The following ZMYM3 variants were observed in gnomAD, a reference collection of about 807,000 sequenced individuals.
ZMYM3 encodes the protein zinc finger MYM-type containing 3.
Under a neutral mutation model 94.2 loss-of-function variants are expected in ZMYM3, and 6 were observed. The observed-to-expected ratio is 0.06, with a 90% CI of 0.03 to 0.13. ZMYM3 has a LOEUF of 0.13. Ranked by LOEUF, ZMYM3 falls within the 10% of genes least tolerant of loss-of-function variation. The probability of loss-of-function intolerance (pLI) is 1.00; values close to 1 mark genes in which losing one functional copy is unlikely to be tolerated. For synonymous variants in ZMYM3, 420 were observed against 426.5 expected, an observed-to-expected ratio of 0.98 and a Z score of 0.19; for missense variants, 664 against 1,132.6, an observed-to-expected ratio of 0.59 and a Z score of 5.94.
In ZMYM3 at chrX:71,239,866, A is replaced by T. The variant is rs1314631346; in HGVS notation, c.*1050T>A. The T allele has an allele frequency of 8.9e-6, 1 of 112,760 alleles. No individual in the cohort carries two copies. The highest frequency in any genetic ancestry group is 3.2e-5 in the African/African-American group (1 of 30,909). The allele number at this position is 112,760 out of a possible 1,213,427, so 9.3% of individuals were successfully genotyped here. ...GTGGGTACCCCCTTTGCCAGAAGCTAATTGTTTTCTGGGACCTCCAATGCA... is the reference window on the plus strand; with the variant it reads ...GTGGGTACCCCCTTTGCCAGAAGCTTATTGTTTTCTGGGACCTCCAATGCA... On this transcript the variant is annotated 3_prime_UTR_variant, in exon 25 of 25. Transcript: ENST00000314425.
rs1602355986 is a variant in ZMYM3 at position 71,240,794 on chromosome X, G to T, written c.*122C>A. On this transcript the variant is annotated 3_prime_UTR_variant, in exon 25 of 25. Transcript: ENST00000314425. ...CCTAGAGAAGGCAGGGAATGGGTGAGCGGAAAGGAGCAGTCAGGGCCCTTC... is the reference window on the plus strand; with the variant it reads ...CCTAGAGAAGGCAGGGAATGGGTGATCGGAAAGGAGCAGTCAGGGCCCTTC... The T allele has an allele frequency of 1.4e-6, 1 of 732,199 alleles. No homozygotes were observed. Among genetic ancestry groups the T allele is most frequent in the Non-Finnish European group, 2.0e-6 (1 of 499,458 alleles). The allele number at this position is 732,199 out of a possible 1,213,427, so 60.3% of individuals were successfully genotyped here.
At position 71,253,409 on chromosome X, in the gene ZMYM3, A is replaced by G. The variant is rs1025000384; in HGVS notation, c.-19-135T>C. On this transcript the variant is annotated intron_variant, in intron 1 of 24. Transcript: ENST00000314425. The stretch of plus-strand genomic sequence containing the variant: ...GCCCCCACCACCACAATCTACAAGC[A>G]TTTCCGAAGGCTTTAGTCCTAATGA... 8 of 494,227 alleles carry G rather than the reference A, an allele frequency of 1.6e-5. No individual in the cohort carries two copies. The African/African-American group carries it at 2.0e-4, about 12-fold the overall frequency. 40.7% of individuals were successfully genotyped at this position (494,227 alleles called of 1,213,427 possible).
At chrX:71,251,113 A>G (rs2030445366) in intron 4 of ZMYM3, 65 bp downstream of exon 4, 4 of 1,105,536 alleles carry the variant, frequency 3.6e-6, no homozygotes, top group Non-Finnish European at 3.8e-6. Flanking sequence ...GCCCTGCCGC[A>G]TGCCACTTTC....
intron 8 of ZMYM3, 34 bp downstream of exon 8, chrX:71,248,985 G>T (rs1007028181): frequency 2.5e-6 from 3 of 1,206,790 alleles, no homozygotes; most frequent in Admixed American, 2.2e-5. Context: ...GAGAAGGCCA[G>T]CAGGGGACTC....
chrX:71,250,225 A>G (rs779296737), intron 5 of ZMYM3, 22 bp from the exon 6 acceptor site: 1 of 1,148,938 alleles, frequency 8.7e-7, no homozygotes, highest in Admixed American at 2.8e-5. Flanking sequence ...AACAGGTTTG[A>G]ATATTCACTC....
intron 23 of ZMYM3, 132 bp downstream of exon 23, chrX:71,242,038 C>T (rs2029969551): frequency 1.1e-6 from 1 of 897,548 alleles, no homozygotes; most frequent in Non-Finnish European, 1.5e-6. Context: ...ACCCTTTCTG[C>T]ACACAGGAAC....
Position 71,240,676 on chromosome X carries a change from C to T in ZMYM3, c.*240G>A, listed in dbSNP as rs906985582. On this transcript the variant is annotated 3_prime_UTR_variant, in exon 25 of 25. Transcript: ENST00000314425. ...AGCATAAAGAAAACGGGCAAGCTGGCTTTTGCCCATCACTGGGAGACCAGC... is the reference window on the plus strand; with the variant it reads ...AGCATAAAGAAAACGGGCAAGCTGGTTTTTGCCCATCACTGGGAGACCAGC... 2 of 358,707 alleles carry T rather than the reference C, an allele frequency of 5.6e-6. No homozygotes were observed. Among genetic ancestry groups the T allele is most frequent in the African/African-American group, 5.1e-5 (2 of 39,041 alleles). 29.6% of individuals were successfully genotyped at this position (358,707 alleles called of 1,213,427 possible).
At chrX:71,244,765 G>A in intron 19 of ZMYM3, 25 bp downstream of exon 19, 1 of 1,145,148 alleles carries the variant, frequency 8.7e-7, no homozygotes, top group South Asian at 1.9e-5. Flanking sequence ...TTCTTCTTTT[G>A]TACATACAGT....
At chrX:71,250,301 ACT>A (rs1034257866) in intron 5 of ZMYM3, 98 bp from the exon 6 acceptor site, 1 of 1,078,549 alleles carries the variant, frequency 9.3e-7, no homozygotes, top group Non-Finnish European at 1.2e-6. Flanking sequence ...AGAGCCAAAT[ACT>A]CTGACTCTCT....
In ZMYM3 at chrX:71,243,884, T is replaced by C. The variant is rs779854828; in HGVS notation, c.3377A>G (p.Asn1126Ser). The C allele has an allele frequency of 6.6e-6, 8 of 1,210,078 alleles. No individual in the cohort carries two copies. Among genetic ancestry groups the C allele is most frequent in the East Asian group, 3.0e-5 (1 of 33,765 alleles). The change falls in exon 21 of 25, where the codon AAT becomes AGT. Residue 1126 changes from asparagine (N) to serine (S), a missense_variant. This residue lies in a region of ZMYM3 where 19 missense variants were observed against 123.7 expected (regional missense o/e 0.15). Coordinates refer to ENST00000314425, the MANE Select transcript of ZMYM3 (RefSeq NM_201599.3). ...AQFVREITRP[N>S]GERYEPDSIY... ...ACTGTCAGGTTCATATCGTTCACCATTGGGCCGAGTGATTTCTCTCACAAA... is the reference window on the plus strand; with the variant it reads ...ACTGTCAGGTTCATATCGTTCACCACTGGGCCGAGTGATTTCTCTCACAAA...
At position 71,249,545 on chromosome X, in the gene ZMYM3, G is replaced by C. The variant is rs202081383; in HGVS notation, c.1386C>G (p.Thr462=). The part of the protein sequence containing the change: ...DQCGAYIYTK[T]GSPGPELLFH... ...AGAGGAGCTCAGGGCCAGGACTCCCGGTCTTGGTGTAGATGTAAGCCCCAC... is the reference window on the plus strand; with the variant it reads ...AGAGGAGCTCAGGGCCAGGACTCCCCGTCTTGGTGTAGATGTAAGCCCCAC... The change falls in exon 7 of 25, where the codon ACC becomes ACG. Residue 462 remains threonine, a synonymous_variant. Coordinates refer to ENST00000314425, the MANE Select transcript of ZMYM3 (RefSeq NM_201599.3). The C allele has an allele frequency of 2.5e-6, 3 of 1,206,481 alleles. No homozygotes were observed. The highest frequency in any genetic ancestry group is 5.9e-5 in the East Asian group (2 of 33,688).
intron 8 of ZMYM3, 103 bp from the exon 9 acceptor site, chrX:71,248,904 T>C (rs749789): frequency 0.078 from 86,488 of 1,103,571 alleles, 3,475 homozygotes; most frequent in African/African-American, 0.26. Context: ...AGAAAATCCA[T>C]GGGGAGATGT....
chrX:71,244,617 T>G (rs1348106008), intron 19 of ZMYM3, 147 bp from the exon 20 acceptor site: 1 of 837,532 alleles, frequency 1.2e-6, no homozygotes, highest in Non-Finnish European at 1.7e-6. Context: ...CAGGAACAGC[T>G]TTGATGACCT....
At chrX:71,243,149 C>T in intron 21 of ZMYM3, 65 bp from the exon 22 acceptor site, 1 of 916,770 alleles carries the variant, frequency 1.1e-6, no homozygotes, top group African/African-American at 1.9e-5. Flanking sequence ...GATAATGATG[C>T]TGAAGCCCCC....
intron 16 of ZMYM3, 60 bp downstream of exon 16, chrX:71,245,926 G>A: frequency 8.4e-7 from 1 of 1,189,783 alleles, no homozygotes; most frequent in Non-Finnish European, 1.1e-6. Context: ...GAGTGAAGGG[G>A]GACAGTTGAT....
chrX:71,241,457 C>T, intron 23 of ZMYM3, 113 bp from the exon 24 acceptor site: 3 of 544,664 alleles, frequency 5.5e-6, no homozygotes, highest in Non-Finnish European at 5.6e-6. Context: ...ATTACAGTCT[C>T]ATCAAGATGG....
In ZMYM3 at chrX:71,244,283, C is replaced by G; in HGVS notation, c.3280+19G>C. On this transcript the variant is annotated intron_variant, in intron 20 of 24. Coordinates refer to ENST00000314425, the MANE Select transcript of ZMYM3 (RefSeq NM_201599.3). ...TCCCTGTCCCTGCCTCCCCACACCC[C>G]CCATCCCCAAGTACTTACGGCCAAA... 1 of 1,207,946 alleles carries G rather than the reference C, an allele frequency of 8.3e-7. No homozygotes were observed. The highest frequency in any genetic ancestry group is 2.2e-5 in the Admixed American group (1 of 45,743).
In ZMYM3 at chrX:71,249,074, C is replaced by G. The variant is rs774245330; in HGVS notation, c.1566G>C (p.Leu522Phe). 1 of 1,211,712 alleles carries G rather than the reference C, an allele frequency of 8.3e-7. No homozygotes were observed. Among genetic ancestry groups the G allele is most frequent in the South Asian group, 1.8e-5 (1 of 56,979 alleles). ...SHVDRNGKTSLFCSLCCTTSY... is the reference protein window; with the variant it reads ...SHVDRNGKTSFFCSLCCTTSY... ...AAGTGGTACAGCACAGGGAACAGAACAAGCTGGTCTTGCCATTACGATCCA... is the reference window on the plus strand; with the variant it reads ...AAGTGGTACAGCACAGGGAACAGAAGAAGCTGGTCTTGCCATTACGATCCA... Residue 522 changes from leucine (L) to phenylalanine (F), a missense_variant, in exon 8 of 25, where the codon TTG becomes TTC. Leu to Phe is a conservative substitution (Grantham distance 22). Coordinates refer to ENST00000314425, the MANE Select transcript of ZMYM3 (RefSeq NM_201599.3).
At chrX:71,255,084 A>ATCTCTCCC (rs2030691060), upstream of ZMYM3, 1 of 20,823 alleles carries the variant, frequency 4.8e-5, no homozygotes, top group Non-Finnish European at 1.0e-4. Context: ...ACCAGGGCTG[A>ATCTCTCCC]TCTCTCTCTC....
Sources: gnomAD v4.1 joint callset for allele counts on GRCh38, gnomAD v4.1.1 for gene constraint, gnomAD v4.1.1 regional missense constraint, MANE v1.5 for transcripts, NCBI Gene and HGNC (gene_info 2026-07-23, HGNC 2026-07-21) for gene names.